The following EIF4E variants were observed in gnomAD, a reference collection of about 807,000 sequenced individuals.
EIF4E encodes the protein eukaryotic translation initiation factor 4E.
For missense variants in EIF4E, 113 were observed against 265.6 expected, an observed-to-expected ratio of 0.43 and a Z score of 3.99; for synonymous variants, 71 against 88.5, an observed-to-expected ratio of 0.80 and a Z score of 1.11.
At position 98,883,484 on chromosome 4, in the gene EIF4E, C is replaced by T. The variant is rs187185653; in HGVS notation, c.539+1438G>A. On this transcript the variant is annotated intron_variant, in intron 6 of 6. Coordinates refer to ENST00000450253, the MANE Select transcript of EIF4E (RefSeq NM_001968.5). ...CCCAATCTTGGCTCACTGCAAGCTC[C>T]GCCTCCCGGGTTCATGCCATTCTCC... is the stretch of plus-strand genomic sequence containing the variant. Among the ~76,000 whole-genome samples, 92 of 148,734 alleles carry T rather than the reference C, an allele frequency of 6.2e-4. No individual in the cohort carries two copies. The Admixed American group carries it at 6.3e-3, about 10-fold the overall frequency.
intron 1 of EIF4E, among the ~76,000 whole-genome samples, chr4:98,920,370 G>T (rs1241766105): frequency 6.6e-6 from 1 of 151,088 alleles, no homozygotes; most frequent in African/African-American, 2.4e-5. Flanking sequence ...GCACCATCTC[G>T]GCTCACTGCA....
chr4:98,917,449 G>A (rs1456229614), intron 1 of EIF4E, among the ~76,000 whole-genome samples: 1 of 152,062 alleles, frequency 6.6e-6, no homozygotes, highest in Non-Finnish European at 1.5e-5. Context: ...AAGGGCTCTA[G>A]TAGAAATTCT....
intron 1 of EIF4E, among the ~76,000 whole-genome samples, chr4:98,921,438 G>A (rs1292219445): frequency 1.3e-5 from 2 of 150,534 alleles, no homozygotes; most frequent in African/African-American, 2.4e-5. Flanking sequence ...TCATCATCTC[G>A]GCTCACTGCA....
chr4:98,911,661 C>CAAAAAAAAAA (rs767631331), intron 1 of EIF4E, among the ~76,000 whole-genome samples: 1 of 60,040 alleles, frequency 1.7e-5, no homozygotes, highest in Non-Finnish European at 3.1e-5. Context: ...AACTCTGTCT[C>CAAAAAAAAAA]AAAAAAAAAA....
intron 6 of EIF4E, among the ~76,000 whole-genome samples, 195 bp from the exon 7 acceptor site, chr4:98,881,337 C>T (rs1443484494): frequency 1.3e-5 from 2 of 152,022 alleles, no homozygotes; most frequent in African/African-American, 4.8e-5. Flanking sequence ...TGGTTAATTA[C>T]TTTTAAAATA....
At chr4:98,898,582 A>G (rs1480641659) in intron 2 of EIF4E, among the ~76,000 whole-genome samples, 1 of 152,112 alleles carries the variant, frequency 6.6e-6, no homozygotes, top group Non-Finnish European at 1.5e-5. Context: ...CGAAAAAAAA[A>G]AAAACAGATG....
chr4:98,896,826 A>C (rs1246723469), intron 2 of EIF4E, among the ~76,000 whole-genome samples: 1 of 151,832 alleles, frequency 6.6e-6, no homozygotes, highest in Non-Finnish European at 1.5e-5. Context: ...AAATACTAAA[A>C]TGGTGGTGGT....
chr4:98,902,128 G>T (rs1055260934), intron 1 of EIF4E, 146 bp from the exon 2 acceptor site: 23 of 658,460 alleles, frequency 3.5e-5, no homozygotes, highest in African/African-American at 3.5e-4. Flanking sequence ...GAGTGCAGTC[G>T]TGCGATCTTG....
At chr4:98,909,914 C>T in intron 1 of EIF4E, 1 of 570,194 alleles carries the variant, frequency 1.8e-6, no homozygotes, top group Non-Finnish European at 3.1e-6. Context: ...AGGCGGCTGT[C>T]AGTCCTCAGT....
chr4:98,884,899 A>T (rs369244266), intron 6 of EIF4E, 23 bp downstream of exon 6: 362 of 1,611,482 alleles, frequency 2.2e-4, no homozygotes, highest in Non-Finnish European at 3.0e-4. Context: ...CTGTAAAATA[A>T]GTAGGCAAAG....
intron 1 of EIF4E, among the ~76,000 whole-genome samples, chr4:98,916,568 T>C (rs1035407878): frequency 2.6e-5 from 4 of 152,110 alleles, no homozygotes; most frequent in African/African-American, 4.8e-5. Flanking sequence ...GGTATATTAT[T>C]GTGAAATAAG....
intron 2 of EIF4E, among the ~76,000 whole-genome samples, chr4:98,900,285 T>C (rs1476718104): frequency 1.3e-5 from 2 of 152,186 alleles, no homozygotes; most frequent in Non-Finnish European, 2.9e-5. Context: ...TTTTATCCTT[T>C]ATAGACTGTT....
intron 1 of EIF4E, among the ~76,000 whole-genome samples, chr4:98,911,337 C>T (rs1358299878): frequency 2.7e-5 from 4 of 149,864 alleles, no homozygotes; most frequent in South Asian, 2.1e-4. Flanking sequence ...TGTGAGCCAC[C>T]GCGCCCAGCA....
intron 1 of EIF4E, chr4:98,928,776 T>C (rs1721339969): frequency 1.5e-6 from 2 of 1,336,772 alleles, no homozygotes; most frequent in Non-Finnish European, 2.0e-6. Context: ...GAAGACACCA[T>C]CCTCGCATAC....
chr4:98,923,763 A>T (rs904746719), intron 1 of EIF4E, among the ~76,000 whole-genome samples: 1 of 152,240 alleles, frequency 6.6e-6, no homozygotes, highest in Non-Finnish European at 1.5e-5. Flanking sequence ...AAAAAGCAGC[A>T]ATGTGAATTT....
chr4:98,909,984 T>G lies in EIF4E; in HGVS notation c.19-8002A>C, dbSNP rs1725045274. ...CCTCAAATATGTAAATTAGTATAAT[T>G]AATTAACTAGTACACAAGAACAAAT... On this transcript the variant is annotated intron_variant, in intron 1 of 6. Coordinates refer to ENST00000450253, the MANE Select transcript of EIF4E (RefSeq NM_001968.5). 6.3e-6 allele frequency: 3 copies of G among 472,928 alleles called. No homozygotes were observed. In the South Asian group the frequency reaches 1.3e-4, roughly 21 times the overall value. The allele number at this position is 472,928 out of a possible 1,614,324, so 29.3% of individuals were successfully genotyped here. A position where few individuals can be genotyped will look rare whatever the true frequency, so the allele number is the denominator to read the frequency against.
At chr4:98,888,034 A>T in intron 3 of EIF4E, 82 bp from the exon 4 acceptor site, 5 of 1,164,248 alleles carry the variant, frequency 4.3e-6, no homozygotes, top group Non-Finnish European at 6.2e-6. Flanking sequence ...CATTTAGAAC[A>T]TATGATGAAA....
chr4:98,883,429 C>T (rs1310319347), intron 6 of EIF4E, among the ~76,000 whole-genome samples: 3 of 112,424 alleles, frequency 2.7e-5, no homozygotes, highest in South Asian at 5.9e-4. Flanking sequence ...GAGACAGTCT[C>T]GCTCTGTCTC....
intron 2 of EIF4E, among the ~76,000 whole-genome samples, chr4:98,899,644 T>C (rs960749759): frequency 4.6e-5 from 7 of 152,154 alleles, no homozygotes; most frequent in African/African-American, 1.4e-4. Context: ...TATACAGCCA[T>C]TAATGTAAAC....
Sources: gnomAD v4.1 joint callset for allele counts (sites outside exome capture counted in the v4.1 genomes callset) on GRCh38, gnomAD v4.1.1 for gene constraint, MANE v1.5 for transcripts, NCBI Gene and HGNC (gene_info 2026-07-23, HGNC 2026-07-21) for gene names.